Variants in NRDE2 observed in about 807,000 individuals in gnomAD.
NRDE2 encodes the protein nuclear exosome regulator NRDE2.
A neutral mutation model predicts 124.2 loss-of-function variants in NRDE2; 76 were observed. The observed-to-expected ratio is 0.61, with a 90% CI of 0.51 to 0.74. The LOEUF (loss-of-function observed/expected upper bound fraction) is 0.74, where lower values mean the gene tolerates loss of function less well. NRDE2 is among the 30% of genes least tolerant of loss of function. NRDE2 has a pLI of 0.00. For missense variants in NRDE2, 1,314 were observed against 1,417.3 expected (o/e 0.93, Z 1.17); for synonymous variants, 489 against 528.1 (o/e 0.93, Z 1.01).
intron 3 of NRDE2, 100 bp from the exon 4 acceptor site, chr14:90,312,643 C>T: frequency 1.8e-6 from 2 of 1,105,852 alleles, no homozygotes; most frequent in Admixed American, 1.7e-5. Flanking sequence ...ACACTTCAAA[C>T]TCCACATGGC....
chr14:90,291,766 C>T (rs777847971), intron 9 of NRDE2, among the ~76,000 whole-genome samples: 3 of 152,236 alleles, frequency 2.0e-5, no homozygotes, highest in Admixed American at 6.5e-5. Flanking sequence ...ACTCCTCAAA[C>T]GCTCCTGGCA....
rs1281391612 is a variant in NRDE2 at position 90,276,223 on chromosome 14, T to TTG, written c.*2112_*2113insCA. On this transcript the variant is annotated 3_prime_UTR_variant, in exon 14 of 14. Coordinates refer to ENST00000354366, the MANE Select transcript of NRDE2 (RefSeq NM_017970.4). ...CAGCAATCTCAAACGGGCTGTTTTTTTTTTTTTTTTTTCGAGACGGAGTCT... is the reference window on the plus strand; with the variant it reads ...CAGCAATCTCAAACGGGCTGTTTTTTTGTTTTTTTTTTTTCGAGACGGAGTCT... 8 of 148,422 alleles carry TTG rather than the reference T, an allele frequency of 5.4e-5. No individual in the cohort carries two copies. In the East Asian group the frequency reaches 8.0e-4, roughly 15 times the overall value. 9.2% of individuals were successfully genotyped at this position (148,422 alleles called of 1,614,324 possible).
chr14:90,279,490 T>C (rs771917445), intron 12 of NRDE2: 114 of 195,774 alleles, frequency 5.8e-4, no homozygotes, highest in Non-Finnish European at 9.1e-4. Context: ...GAAGACATTA[T>C]ACAAATAGAG....
intron 1 of NRDE2, 129 bp from the exon 2 acceptor site, chr14:90,318,242 G>T: frequency 1.5e-6 from 1 of 652,966 alleles, no homozygotes; most frequent in Non-Finnish European, 2.6e-6. Context: ...TGAACAGTCA[G>T]TCCAAAGTCC....
chr14:90,314,583 T>C (rs896685289), intron 3 of NRDE2, among the ~76,000 whole-genome samples: 11 of 152,204 alleles, frequency 7.2e-5, no homozygotes, highest in African/African-American at 2.4e-5. Context: ...GGAAATCCTT[T>C]AAAACTCATT....
rs1891608052 is a variant in NRDE2 at position 90,269,593 on chromosome 14, T to TATA, written c.*8742_*8743insTAT. 4 of 1,588,616 alleles carry TATA rather than the reference T, an allele frequency of 2.5e-6. No individual in the cohort carries two copies. The highest frequency in any genetic ancestry group is 3.4e-6 in the Non-Finnish European group (4 of 1,162,848). On this transcript the variant is annotated 3_prime_UTR_variant, in exon 14 of 14. Coordinates refer to ENST00000354366, the MANE Select transcript of NRDE2 (RefSeq NM_017970.4). Reference sequence around the variant, plus strand: ...CATCATGGAGATTAATGTGTTTATATATTTGTGTTTAAGTGTGCTTTGGGA... The same window carrying TATA: ...CATCATGGAGATTAATGTGTTTATATATAATTTGTGTTTAAGTGTGCTTTGGGA...
Position 90,273,150 on chromosome 14 carries a change from G to C in NRDE2, c.*5186C>G, listed in dbSNP as rs888315613. 4 of 152,210 alleles carry C rather than the reference G, an allele frequency of 2.6e-5. No individual in the cohort carries two copies. The highest frequency in any genetic ancestry group is 9.7e-5 in the African/African-American group (4 of 41,434). 9.4% of individuals were successfully genotyped at this position (152,210 alleles called of 1,614,324 possible). On this transcript the variant is annotated 3_prime_UTR_variant, in exon 14 of 14. Coordinates refer to ENST00000354366, the MANE Select transcript of NRDE2 (RefSeq NM_017970.4). ...AAAGCTATTAAGTGGGACAGATCAA[G>C]GTAAGCGTTCCCTTGACAGGTGGCC...
Position 90,276,809 on chromosome 14 carries a change from G to A in NRDE2, c.*1527C>T, listed in dbSNP as rs1288494972. ...TGAGAAGAGACATGAGTCAGATGGG[G>A]ACTGAGGCGCCAGCTGCTGTCATGG... On this transcript the variant is annotated 3_prime_UTR_variant, in exon 14 of 14. Transcript: ENST00000354366. The A allele has an allele frequency of 6.6e-6, 1 of 152,168 alleles. No individual in the cohort carries two copies. Among genetic ancestry groups the A allele is most frequent in the Non-Finnish European group, 1.5e-5 (1 of 68,084 alleles). 9.4% of individuals were successfully genotyped at this position (152,168 alleles called of 1,614,324 possible).
intron 12 of NRDE2, among the ~76,000 whole-genome samples, chr14:90,284,380 ACT>A (rs1892043300): frequency 6.9e-6 from 1 of 143,980 alleles, no homozygotes; most frequent in African/African-American, 2.6e-5. Context: ...ACAGGGTCTC[ACT>A]CTGTTAACCA....
rs747521113 is a variant in NRDE2, at chr14:90,288,575, G to A, written c.2800C>T (p.Leu934=). The part of the protein sequence containing the change: ...VQIYEQVFAK[L]NSSVFPEGSG... ...CCTTCTGGGAAAACAGAACTGTTCA[G>A]TTTTGCAAACACCTGTTCGTATATC... Residue 934 remains leucine, a synonymous_variant, in exon 11 of 14, where the codon CTG becomes TTG. Coordinates refer to ENST00000354366, the MANE Select transcript of NRDE2 (RefSeq NM_017970.4). 1 of 1,614,176 alleles carries A rather than the reference G, an allele frequency of 6.2e-7. No individual in the cohort carries two copies. The highest frequency in any genetic ancestry group is 1.7e-5 in the Admixed American group (1 of 60,018).
At chr14:90,307,342 G>C (rs1884643211) in intron 4 of NRDE2, among the ~76,000 whole-genome samples, 1 of 152,168 alleles carries the variant, frequency 6.6e-6, no homozygotes, top group Admixed American at 6.5e-5. Context: ...CACTTAGCAT[G>C]AGATCTTAAT....
intron 3 of NRDE2, among the ~76,000 whole-genome samples, chr14:90,316,035 T>C (rs907642527): frequency 6.7e-6 from 1 of 150,276 alleles, no homozygotes. Flanking sequence ...ATGGAAACAC[T>C]GTAATCATGA....
At chr14:90,305,483 G>A (rs1022939775) in intron 4 of NRDE2, among the ~76,000 whole-genome samples, 3 of 152,164 alleles carry the variant, frequency 2.0e-5, no homozygotes, top group East Asian at 1.9e-4. Context: ...AAATGCTCTC[G>A]GCAGCTTTAT....
At chr14:90,331,072 G>T (rs1247849861) in intron 1 of NRDE2, among the ~76,000 whole-genome samples, 1 of 151,864 alleles carries the variant, frequency 6.6e-6, no homozygotes, top group Non-Finnish European at 1.5e-5. Context: ...TACTATAGGT[G>T]TGCACCACCA....
chr14:90,287,398 G>A (rs1566684384), intron 11 of NRDE2, among the ~76,000 whole-genome samples: 1 of 151,764 alleles, frequency 6.6e-6, no homozygotes, highest in African/African-American at 2.4e-5. Context: ...CGGGTAGATC[G>A]CTTAAGCTCA....
chr14:90,324,196 T>C (rs962616892), intron 1 of NRDE2, among the ~76,000 whole-genome samples: 2 of 152,080 alleles, frequency 1.3e-5, no homozygotes, highest in African/African-American at 4.8e-5. Context: ...GAAGCGATTG[T>C]GGCTTGGCCA....
chr14:90,315,131 C>G lies in NRDE2; in HGVS notation c.407+1447G>C, dbSNP rs555725001. On this transcript the variant is annotated intron_variant, in intron 3 of 13. Transcript: ENST00000354366. ...GGCAGAGGTTGCAGTGAGCCGAGAT[C>G]GTGCCACTGTACTCCAGCCTGGCCG... Among the ~76,000 whole-genome samples, 14 of 124,998 alleles carry G rather than the reference C, an allele frequency of 1.1e-4. No individual in the cohort carries two copies. The East Asian group carries it at 1.3e-3, about 12-fold the overall frequency. The allele number at this position is 124,998 out of a possible 152,430, so 82.0% of individuals were successfully genotyped here.
intron 3 of NRDE2, among the ~76,000 whole-genome samples, chr14:90,314,042 C>T (rs1203758462): frequency 1.3e-5 from 2 of 152,154 alleles, no homozygotes; most frequent in Admixed American, 6.5e-5. Context: ...AGCTGCAGAC[C>T]GCCCCTGAGG....
intron 1 of NRDE2, among the ~76,000 whole-genome samples, 183 bp downstream of exon 1, chr14:90,331,658 A>G (rs1043156797): frequency 1.3e-5 from 2 of 152,202 alleles, no homozygotes; most frequent in Admixed American, 1.3e-4. Flanking sequence ...ACCTTGGTCC[A>G]GAACAGGCCT....
Sources: allele counts gnomAD v4.1 joint callset (sites outside exome capture counted in the v4.1 genomes callset), GRCh38; gene constraint gnomAD v4.1.1; transcripts MANE v1.5; gene names NCBI Gene and HGNC (gene_info 2026-07-23, HGNC 2026-07-21).